Variants in COL4A2 observed in about 807,000 individuals in gnomAD.
The protein encoded by COL4A2 is collagen alpha-2(IV) chain.
Under a neutral mutation model 200.2 loss-of-function variants are expected in COL4A2, and 99 were observed. The ratio of observed to expected loss-of-function variants is 0.49; its 90% CI spans 0.42 to 0.58. The LOEUF (loss-of-function observed/expected upper bound fraction) is 0.58, where lower values mean the gene tolerates loss of function less well. COL4A2 is among the 20% of genes least tolerant of loss of function. The pLI is 0.00. For missense variants in COL4A2, 1,950 were observed against 2,314.1 expected, an observed-to-expected ratio of 0.84 and a Z score of 3.23; for synonymous variants, 897 against 900.6, an observed-to-expected ratio of 1.00 and a Z score of 0.07.
intron 16 of COL4A2, among the ~76,000 whole-genome samples, chr13:110,442,544 A>C (rs1244786769): frequency 1.3e-5 from 2 of 152,214 alleles, no homozygotes; most frequent in African/African-American, 2.4e-5. Flanking sequence ...TAAACAGTGC[A>C]TCAAAATGGG....
chr13:110,337,704 G>A (rs1021474870), intron 3 of COL4A2, among the ~76,000 whole-genome samples: 1 of 152,352 alleles, frequency 6.6e-6, no homozygotes, highest in Non-Finnish European at 1.5e-5. Context: ...CTGACACAGT[G>A]CTGGAGGCTC....
At chr13:110,311,524 G>A (rs2139339756) in intron 3 of COL4A2, among the ~76,000 whole-genome samples, 1 of 152,236 alleles carries the variant, frequency 6.6e-6, no homozygotes, top group South Asian at 2.1e-4. Flanking sequence ...CAAAACGGAG[G>A]TGTTACTCAT....
Position 110,430,829 on chromosome 13 carries a change from C to A in COL4A2, c.648+222C>A, listed in dbSNP as rs1045295502. On this transcript the variant is annotated intron_variant, in intron 10 of 47. Coordinates refer to ENST00000360467, the MANE Select transcript of COL4A2 (RefSeq NM_001846.4). ...TAAAATTATGGTCACCAGCTCTCTG[C>A]CAGTTATGTCAAATTTTGACTTGGT... The A allele has an allele frequency of 9.0e-6, 7 of 778,266 alleles. No homozygotes were observed. The African/African-American group carries it at 1.2e-4, about 13-fold the overall frequency. 48.2% of individuals were successfully genotyped at this position (778,266 alleles called of 1,614,324 possible).
intron 4 of COL4A2, among the ~76,000 whole-genome samples, chr13:110,361,804 G>T (rs534819239): frequency 3.3e-4 from 51 of 152,318 alleles, no homozygotes; most frequent in African/African-American, 1.2e-3. Flanking sequence ...GAAGAGGCAA[G>T]GCAGGAGCTG....
chr13:110,468,907 G>A (rs958424325), intron 27 of COL4A2, among the ~76,000 whole-genome samples: 4 of 152,132 alleles, frequency 2.6e-5, no homozygotes, highest in African/African-American at 9.7e-5. Context: ...GTTGTCCACG[G>A]TCACACAGAT....
chr13:110,360,162 G>A (rs1041048386), intron 4 of COL4A2, among the ~76,000 whole-genome samples: 1 of 152,188 alleles, frequency 6.6e-6, no homozygotes, highest in Admixed American at 6.5e-5. Context: ...GCCTTATATG[G>A]GCATGGATAG....
At chr13:110,457,467 C>A in intron 21 of COL4A2, 32 bp downstream of exon 21, 2 of 1,278,010 alleles carry the variant, frequency 1.6e-6, no homozygotes, top group Non-Finnish European at 2.3e-6. Context: ...GGGATGAGGA[C>A]AGCCTGGCCT....
intron 45 of COL4A2, among the ~76,000 whole-genome samples, chr13:110,504,481 G>A (rs188913378): frequency 7.9e-5 from 12 of 152,312 alleles, no homozygotes; most frequent in Non-Finnish European, 1.6e-4. Context: ...CCTTTTCCTG[G>A]GACACCTGCG....
In COL4A2 at chr13:110,307,865, G is replaced by A; in HGVS notation, c.-39G>A. ...GCTTTGTCTGTCGCCTCTAGGCTAA[G>A]TGGGACTGACCGGGGCCCAGAGTGG... On this transcript the variant is annotated 5_prime_UTR_variant, in exon 2 of 48. The change creates a new upstream start codon in the 5' untranslated region. Transcript: ENST00000360467. This position sits in a 1 kb window ranked among gnomAD's most constrained non-coding sequence, Gnocchi z 5.0. 3 of 1,603,312 alleles carry A rather than the reference G, an allele frequency of 1.9e-6. No individual in the cohort carries two copies. Among genetic ancestry groups the A allele is most frequent in the Non-Finnish European group, 2.6e-6 (3 of 1,174,430 alleles).
intron 4 of COL4A2, among the ~76,000 whole-genome samples, chr13:110,392,299 T>A (rs919049921): frequency 1.3e-5 from 2 of 152,128 alleles, no homozygotes; most frequent in Admixed American, 1.3e-4. Flanking sequence ...CCAAAGCAAT[T>A]TAAGTAAACT....
rs138400811 is a variant in COL4A2, at chr13:110,340,274, A to C, written c.100-17198A>C. Among the ~76,000 whole-genome samples the C allele has an allele frequency of 3.3e-3, 507 of 152,164 alleles. 3 individuals carry two copies. Among genetic ancestry groups the C allele is most frequent in the African/African-American group, 0.012 (487 of 41,504 alleles). On this transcript the variant is annotated intron_variant, in intron 3 of 47. Transcript: ENST00000360467. ...TGAGATTATAGGTGCACGCCACCACACCCGGCTAATTTTTGTATTTTTAGT... is the reference window on the plus strand; with the variant it reads ...TGAGATTATAGGTGCACGCCACCACCCCCGGCTAATTTTTGTATTTTTAGT...
At position 110,439,852 on chromosome 13, in the gene COL4A2, C is replaced by A. The variant is rs774405880; in HGVS notation, c.957+19C>A. On this transcript the variant is annotated intron_variant, in intron 16 of 47. Transcript: ENST00000360467. ...ACAGAAGGTAAGTTGGATGCATGAA[C>A]TGCAGTCTGCTCTGGGCCCACGACA... 4.3e-6 allele frequency: 7 copies of A among 1,613,792 alleles called. No individual in the cohort carries two copies. Among genetic ancestry groups the A allele is most frequent in the African/African-American group, 2.7e-5 (2 of 75,024 alleles).
chr13:110,331,019 C>T (rs1233349730), intron 3 of COL4A2, among the ~76,000 whole-genome samples: 1 of 152,052 alleles, frequency 6.6e-6, no homozygotes, highest in Non-Finnish European at 1.5e-5. Flanking sequence ...CCTGGGTGTT[C>T]AGATTCTCTT....
intron 4 of COL4A2, among the ~76,000 whole-genome samples, chr13:110,415,180 G>A (rs1040540496): frequency 6.6e-6 from 1 of 152,190 alleles, no homozygotes; most frequent in Non-Finnish European, 1.5e-5. Context: ...GAGCTTTGCT[G>A]TCTCTTGCTG....
At chr13:110,390,303 G>C (rs1878938761) in intron 4 of COL4A2, among the ~76,000 whole-genome samples, 1 of 152,252 alleles carries the variant, frequency 6.6e-6, no homozygotes, top group Non-Finnish European at 1.5e-5. Flanking sequence ...AGCTCGTTGG[G>C]AATTCCAGGA....
chr13:110,452,119 G>C (rs1457473163), intron 20 of COL4A2, among the ~76,000 whole-genome samples: 1 of 93,944 alleles, frequency 1.1e-5, no homozygotes, highest in Non-Finnish European at 2.4e-5. Flanking sequence ...CAAAGTCTCT[G>C]TTTTGTTTGT....
intron 4 of COL4A2, among the ~76,000 whole-genome samples, chr13:110,399,709 A>G (rs1004665174): frequency 6.6e-6 from 1 of 152,238 alleles, no homozygotes; most frequent in Non-Finnish European, 1.5e-5. Context: ...GAGAATGTTT[A>G]AAATGCAAAT....
intron 4 of COL4A2, among the ~76,000 whole-genome samples, chr13:110,377,617 C>G (rs1878291726): frequency 6.6e-6 from 1 of 152,194 alleles, no homozygotes; most frequent in Non-Finnish European, 1.5e-5. Flanking sequence ...TCAGGAAAAG[C>G]TTTTCGAAAT....
intron 11 of COL4A2, 38 bp downstream of exon 11, chr13:110,432,398 G>A (rs1342692254): frequency 7.0e-6 from 11 of 1,570,058 alleles, no homozygotes; most frequent in Non-Finnish European, 8.6e-6. Flanking sequence ...AGGGAAGGGG[G>A]TACTTAGGTG....
Sources: allele counts gnomAD v4.1 joint callset (sites outside exome capture counted in the v4.1 genomes callset), GRCh38; gene constraint gnomAD v4.1.1; non-coding constraint Gnocchi (gnomAD v3.1); transcripts MANE v1.5; gene names NCBI Gene and HGNC (gene_info 2026-07-23, HGNC 2026-07-21).